ABI3BP: variants seen among roughly 807,000 people sequenced by gnomAD.
ABI3BP encodes ABI family member 3 binding protein, also known as target of Nesh-SH3.
A neutral mutation model predicts 268.6 loss-of-function variants in ABI3BP; 216 were observed. The observed-to-expected ratio is 0.80, with a 90% confidence interval of 0.72 to 0.90. ABI3BP has a LOEUF of 0.90. Among genes scored for constraint, ABI3BP ranks in the 40% least tolerant of loss-of-function variants. The probability of loss-of-function intolerance (pLI) is 0.00; values close to 1 mark genes in which losing one functional copy is unlikely to be tolerated. For missense variants in ABI3BP, 2,090 were observed against 2,182.4 expected (o/e 0.96, Z 0.84); for synonymous variants, 730 against 730.0 (o/e 1.00, Z 0.00).
At chr3:100,801,464 G>C (rs534501200) in intron 51 of ABI3BP, among the ~76,000 whole-genome samples, 45 of 138,594 alleles carry the variant, frequency 3.2e-4, no homozygotes, top group African/African-American at 1.0e-3. Flanking sequence ...AAGAAAAAAA[G>C]ATCTAAAGAA....
rs1418781949 is a variant in ABI3BP at position 100,763,463 on chromosome 3, C to CAAAAAAAA, written c.4850+2370_4850+2377dup. ...GGGTGACAAGAGCAAGACTCTGTCT[C>CAAAAAAAA]AAAAAAAAAAAAAAGAAAAAAGAAA... On this transcript the variant is annotated intron_variant, in intron 63 of 67. Transcript: ENST00000471714. Among the ~76,000 whole-genome samples, 323 of 109,278 alleles carry CAAAAAAAA rather than the reference C, an allele frequency of 3.0e-3. 3 individuals carry two copies. Among genetic ancestry groups the CAAAAAAAA allele is most frequent in the Non-Finnish European group, 4.9e-3 (251 of 51,166 alleles). 71.7% of individuals were successfully genotyped at this position (109,278 alleles called of 152,430 possible).
intron 14 of ABI3BP, among the ~76,000 whole-genome samples, chr3:100,860,868 A>C (rs2098990353): frequency 1.3e-5 from 2 of 152,262 alleles, no homozygotes; most frequent in South Asian, 4.1e-4. Flanking sequence ...GGTGCTCCTG[A>C]GGGATGTGGG....
chr3:100,788,242 C>A (rs184439132), intron 56 of ABI3BP, among the ~76,000 whole-genome samples: 1 of 152,234 alleles, frequency 6.6e-6, no homozygotes, highest in East Asian at 1.9e-4. Flanking sequence ...TCCCTAGGTA[C>A]AGAGGTTTCA....
chr3:100,939,247 C>G (rs1168564776), intron 1 of ABI3BP, among the ~76,000 whole-genome samples: 1 of 152,072 alleles, frequency 6.6e-6, no homozygotes, highest in Non-Finnish European at 1.5e-5. Flanking sequence ...TAAAACATGT[C>G]TTCCAGAAAG....
At chr3:100,900,042 T>G (rs997601691) in intron 3 of ABI3BP, among the ~76,000 whole-genome samples, 4 of 152,242 alleles carry the variant, frequency 2.6e-5, no homozygotes, top group African/African-American at 9.6e-5. Context: ...GAACCCTTCT[T>G]AGCACAGAAT....
At chr3:100,833,194 A>C in intron 29 of ABI3BP, 37 bp from the exon 30 acceptor site, 1 of 1,514,942 alleles carries the variant, frequency 6.6e-7, no homozygotes, top group Non-Finnish European at 8.9e-7. Flanking sequence ...TTTTAAAAAG[A>C]AATAAATGTT....
At chr3:100,752,635 A>G (rs1266053796) in intron 66 of ABI3BP, 152 bp downstream of exon 66, 3 of 716,922 alleles carry the variant, frequency 4.2e-6, no homozygotes, top group South Asian at 4.4e-5. Context: ...TCTAGGAATG[A>G]TAACTGTTTC....
At chr3:100,857,622 AG>A (rs1441259177) in intron 14 of ABI3BP, among the ~76,000 whole-genome samples, 1 of 152,154 alleles carries the variant, frequency 6.6e-6, no homozygotes, top group Non-Finnish European at 1.5e-5. Flanking sequence ...TAATTTCCTC[AG>A]TTGTAAAGGC....
chr3:100,869,330 G>GTTTTTTTTTTTTT lies in ABI3BP; in HGVS notation c.911-2387_911-2375dup, dbSNP rs144604645. On this transcript the variant is annotated intron_variant, in intron 9 of 67. Coordinates refer to ENST00000471714, the MANE Select transcript of ABI3BP (RefSeq NM_001375547.2). ...ATATTGTTTTTTCTTCTTCTTTTTGGTTTTTTTTTTTTTTTTTTTTTTTTT... is the reference window on the plus strand; with the variant it reads ...ATATTGTTTTTTCTTCTTCTTTTTGGTTTTTTTTTTTTTTTTTTTTTTTTTTTTTTTTTTTTTT... Among the ~76,000 whole-genome samples the GTTTTTTTTTTTTT allele has an allele frequency of 1.6e-3, 81 of 49,756 alleles. 7 individuals are homozygous for GTTTTTTTTTTTTT. The highest frequency in any genetic ancestry group is 2.7e-3 in the African/African-American group (33 of 12,214). 32.6% of individuals were successfully genotyped at this position (49,756 alleles called of 152,430 possible).
intron 2 of ABI3BP, 111 bp from the exon 3 acceptor site, chr3:100,902,797 TC>T: frequency 1.2e-6 from 1 of 829,158 alleles, no homozygotes. Flanking sequence ...TAACCGCAGC[TC>T]CAGGGAGTGA....
intron 26 of ABI3BP, among the ~76,000 whole-genome samples, chr3:100,837,645 T>C (rs983590987): frequency 1.3e-5 from 2 of 152,042 alleles, no homozygotes; most frequent in Non-Finnish European, 2.9e-5. Flanking sequence ...TAGTCCCAGC[T>C]ACTAAGGAGG....
intron 52 of ABI3BP, among the ~76,000 whole-genome samples, chr3:100,796,190 G>A (rs1055443899): frequency 4.6e-5 from 7 of 151,900 alleles, no homozygotes; most frequent in East Asian, 1.9e-4. Context: ...TAATTTTAGC[G>A]TGATCTACTC....
intron 56 of ABI3BP, 65 bp downstream of exon 56, chr3:100,789,389 A>G: frequency 1.3e-6 from 2 of 1,492,804 alleles, no homozygotes; most frequent in Non-Finnish European, 1.8e-6. Flanking sequence ...GTATTTGGCT[A>G]TTTCAGTCCA....
In ABI3BP at chr3:100,837,114, G is replaced by T; in HGVS notation, c.2131+10C>A. On this transcript the variant is annotated intron_variant, in intron 27 of 67. Coordinates refer to ENST00000471714, the MANE Select transcript of ABI3BP (RefSeq NM_001375547.2). Reference sequence around the variant, plus strand: ...GAAACATTGGCCAAGAAGGAAGAAAGCATCATTACCTATGGTCATTGAGGG... The same window carrying T: ...GAAACATTGGCCAAGAAGGAAGAAATCATCATTACCTATGGTCATTGAGGG... 1 of 1,525,710 alleles carries T rather than the reference G, an allele frequency of 6.6e-7. No homozygotes were observed. Among genetic ancestry groups the T allele is most frequent in the South Asian group, 1.2e-5 (1 of 82,346 alleles). The allele number at this position is 1,525,710 out of a possible 1,614,324, so 94.5% of individuals were successfully genotyped here.
chr3:100,941,279 C>T (rs574988318), intron 1 of ABI3BP, among the ~76,000 whole-genome samples: 11 of 151,950 alleles, frequency 7.2e-5, no homozygotes, highest in South Asian at 2.1e-4. Flanking sequence ...TGCTCCCACA[C>T]GCAACATGTG....
At chr3:100,807,303 AT>A (rs1254997577) in intron 50 of ABI3BP, among the ~76,000 whole-genome samples, 3 of 151,820 alleles carry the variant, frequency 2.0e-5, no homozygotes, top group Admixed American at 2.0e-4. Flanking sequence ...ACTAATCATT[AT>A]TTTCTCAGAC....
intron 1 of ABI3BP, among the ~76,000 whole-genome samples, chr3:100,990,029 T>A (rs2092669250): frequency 6.6e-6 from 1 of 152,148 alleles, no homozygotes; most frequent in South Asian, 2.1e-4. Context: ...TTCCACAGGG[T>A]AATGTTGGCC....
chr3:100,988,011 C>A (rs1437150099), intron 1 of ABI3BP, among the ~76,000 whole-genome samples: 1 of 152,052 alleles, frequency 6.6e-6, no homozygotes, highest in Non-Finnish European at 1.5e-5. Flanking sequence ...CCATTTTTTT[C>A]TAACGTACTG....
At chr3:100,990,094 C>T (rs899900197) in intron 1 of ABI3BP, among the ~76,000 whole-genome samples, 3 of 152,170 alleles carry the variant, frequency 2.0e-5, no homozygotes, top group East Asian at 1.9e-4. Flanking sequence ...CTTGTTGCCA[C>T]GTAGAACAAC....
Sources: gnomAD v4.1 joint callset for allele counts (sites outside exome capture counted in the v4.1 genomes callset) on GRCh38, gnomAD v4.1.1 for gene constraint, MANE v1.5 for transcripts, NCBI Gene and HGNC (gene_info 2026-07-23, HGNC 2026-07-21) for gene names.